Variants in EVC observed in about 807,000 individuals in gnomAD.
The protein encoded by EVC is evC complex member EVC.
EVC carries 116 observed loss-of-function variants against 118.9 expected under a neutral mutation model. The observed-to-expected ratio is 0.98, with a 90% CI of 0.84 to 1.14. The LOEUF (loss-of-function observed/expected upper bound fraction) is 1.14. Ranked by LOEUF, EVC falls within the 50% of genes most tolerant of loss-of-function variation. The probability of loss-of-function intolerance (pLI) is 0.00; values close to 1 mark genes in which losing one functional copy is unlikely to be tolerated. For synonymous variants in EVC, 619 were observed against 534.7 expected (o/e 1.16, Z -2.18); for missense variants, 1,401 against 1,246.4 (o/e 1.12, Z -1.87).
intron 11 of EVC, among the ~76,000 whole-genome samples, chr4:5,781,189 A>AGG (rs1348071238): frequency 6.6e-6 from 1 of 152,186 alleles, no homozygotes; most frequent in Non-Finnish European, 1.5e-5. Flanking sequence ...GGAACATGTG[A>AGG]GGAGAGTTCC....
chr4:5,825,614 C>T, the EVC span: 10 of 1,606,000 alleles, frequency 6.2e-6, no homozygotes, highest in Non-Finnish European at 5.9e-6. The surrounding 1 kb of genome is among the most constrained non-coding windows in gnomAD (Gnocchi z 4.4). Context: ...ACCTCGTACA[C>T]AGGACCGTCA....
chr4:5,776,734 T>C (rs749569599), intron 11 of EVC, among the ~76,000 whole-genome samples: 13 of 152,196 alleles, frequency 8.5e-5, no homozygotes, highest in Non-Finnish European at 1.9e-4. Flanking sequence ...TTTCTTCTGA[T>C]CTATTTTCCA....
intron 12 of EVC, 37 bp downstream of exon 12, chr4:5,783,801 AT>A: frequency 2.6e-6 from 4 of 1,559,064 alleles, no homozygotes; most frequent in Non-Finnish European, 3.5e-6. Flanking sequence ...TGGGGTCTGC[AT>A]TTTAGAAACA....
At chr4:5,777,723 G>A (rs1432052431) in intron 11 of EVC, among the ~76,000 whole-genome samples, 2 of 152,122 alleles carry the variant, frequency 1.3e-5, no homozygotes, top group Non-Finnish European at 2.9e-5. Context: ...AAAGAATGTG[G>A]GTTCCATATG....
the EVC span, chr4:5,824,489 T>C: frequency 1.0e-6 from 1 of 972,524 alleles, no homozygotes; most frequent in Non-Finnish European, 1.2e-6. Context: ...TCATCCTCTC[T>C]CTCTCTCTCT....
intron 5 of EVC, among the ~76,000 whole-genome samples, chr4:5,740,948 GC>G (rs1346743514): frequency 6.6e-6 from 1 of 152,168 alleles, no homozygotes; most frequent in African/African-American, 2.4e-5. Context: ...CCAAATTCTG[GC>G]AAAGATGTGG....
chr4:5,804,640 C>T, intron 16 of EVC, 90 bp from the exon 17 acceptor site: 1 of 1,063,958 alleles, frequency 9.4e-7, no homozygotes, highest in Non-Finnish European at 1.5e-6. Flanking sequence ...TGGTGTGTCT[C>T]ACTCACCCTG....
chr4:5,801,793 A>G, intron 15 of EVC, 157 bp from the exon 16 acceptor site: 1 of 749,834 alleles, frequency 1.3e-6, no homozygotes, highest in Non-Finnish European at 2.3e-6. Flanking sequence ...ACTAGTTTAA[A>G]CCAGCCATGC....
At chr4:5,720,289 C>T (rs893316897) in intron 2 of EVC, among the ~76,000 whole-genome samples, 6 of 152,290 alleles carry the variant, frequency 3.9e-5, no homozygotes, top group African/African-American at 1.4e-4. Flanking sequence ...TGAATGATCT[C>T]GTGCCCTTCT....
At chr4:5,739,965 G>A (rs1330465300) in intron 5 of EVC, among the ~76,000 whole-genome samples, 1 of 149,724 alleles carries the variant, frequency 6.7e-6, no homozygotes, top group East Asian at 2.0e-4. Context: ...ATATCTAAAT[G>A]ACCATATTAT....
chr4:5,768,895 A>G (rs891819308), intron 11 of EVC, among the ~76,000 whole-genome samples: 1 of 152,004 alleles, frequency 6.6e-6, no homozygotes, highest in Non-Finnish European at 1.5e-5. Flanking sequence ...ATCATTCACC[A>G]TATAGAAAGG....
chr4:5,719,459 C>G lies in EVC; in HGVS notation c.300+86C>G. ...GGAAGCCGGGTGTCATGTAGACAAG[C>G]CTCTGACAGATATAGTTTCCCAATG... On this transcript the variant is annotated intron_variant, in intron 2 of 20. Transcript: ENST00000264956. The surrounding 1 kb of genome is among the most constrained non-coding windows in gnomAD (Gnocchi z 4.7). 1 of 1,593,612 alleles carries G rather than the reference C, an allele frequency of 6.3e-7. No homozygotes were observed. The highest frequency in any genetic ancestry group is 8.6e-7 in the Non-Finnish European group (1 of 1,163,884).
At chr4:5,796,064 C>G (rs186384500) in intron 13 of EVC, among the ~76,000 whole-genome samples, 6 of 152,256 alleles carry the variant, frequency 3.9e-5, no homozygotes, top group Admixed American at 6.5e-5. Context: ...CAGCCACTCT[C>G]TCTTCAGCCA....
intron 11 of EVC, among the ~76,000 whole-genome samples, chr4:5,771,944 C>T (rs952134673): frequency 2.6e-5 from 4 of 151,972 alleles, no homozygotes; most frequent in Non-Finnish European, 5.9e-5. Context: ...GTCGCCCAGG[C>T]TGGAGTGCAG....
rs1731133194 is a variant in EVC at position 5,756,170 on chromosome 4, A to ACC, written c.1465-93_1465-92dup. On this transcript the variant is annotated intron_variant, in intron 10 of 20. Coordinates refer to ENST00000264956, the MANE Select transcript of EVC (RefSeq NM_153717.3). The surrounding 1 kb of genome is among the most constrained non-coding windows in gnomAD (Gnocchi z 4.2). ...ACAGGTGCCAACATCCTTCTTTCTAACCTGAGATGCAGGGGATGGTTGGAG... is the reference window on the plus strand; with the variant it reads ...ACAGGTGCCAACATCCTTCTTTCTAACCCCTGAGATGCAGGGGATGGTTGGAG... 1 of 961,148 alleles carries ACC rather than the reference A, an allele frequency of 1.0e-6. No homozygotes were observed. The highest frequency in any genetic ancestry group is 1.6e-6 in the Non-Finnish European group (1 of 617,326). The allele number at this position is 961,148 out of a possible 1,614,324, so 59.5% of individuals were successfully genotyped here.
chr4:5,791,299 A>G (rs1484522912), intron 12 of EVC, among the ~76,000 whole-genome samples: 1 of 152,218 alleles, frequency 6.6e-6, no homozygotes, highest in Non-Finnish European at 1.5e-5. Context: ...ACAAAATCCT[A>G]TAGGAGTAGA....
Position 5,743,846 on chromosome 4 carries a change from CTG to C in EVC, c.802-1357_802-1356del, listed in dbSNP as rs1728980542. On this transcript the variant is annotated intron_variant, in intron 6 of 20. Coordinates refer to ENST00000264956, the MANE Select transcript of EVC (RefSeq NM_153717.3). The surrounding 1 kb of genome is among the most constrained non-coding windows in gnomAD (Gnocchi z 4.7). ...TATTTTTGTTTTACAGCTGAAGAAA[CTG>C]AGACTCCATAAGTTCAAATGACTTT... 6.6e-6 allele frequency among the ~76,000 whole-genome samples: 1 copy of C among 152,110 alleles called. No individual in the cohort carries two copies. Among genetic ancestry groups the C allele is most frequent in the African/African-American group, 2.4e-5 (1 of 41,412 alleles).
intron 8 of EVC, among the ~76,000 whole-genome samples, chr4:5,748,988 G>C (rs190101390): frequency 6.6e-6 from 1 of 152,006 alleles, no homozygotes; most frequent in South Asian, 2.1e-4. Flanking sequence ...AACCTGGCTG[G>C]GCATTGGGGT....
At position 5,742,389 on chromosome 4, in the gene EVC, C is replaced by T. The variant is rs1288619771; in HGVS notation, c.801+575C>T. Among the ~76,000 whole-genome samples, 2 of 152,274 alleles carry T rather than the reference C, an allele frequency of 1.3e-5. No homozygotes were observed. The highest frequency in any genetic ancestry group is 3.4e-3 in the Middle Eastern group (1 of 294). ...GCTGTGAATATGTGATGGCTGCTGT[C>T]ATCCTCATTATCACAACCACCACCA... On this transcript the variant is annotated intron_variant, in intron 6 of 20. Coordinates refer to ENST00000264956, the MANE Select transcript of EVC (RefSeq NM_153717.3). The surrounding 1 kb of genome is among the most constrained non-coding windows in gnomAD (Gnocchi z 5.2).
Sources: allele counts gnomAD v4.1 joint callset (sites outside exome capture counted in the v4.1 genomes callset), GRCh38; gene constraint gnomAD v4.1.1; non-coding constraint Gnocchi (gnomAD v3.1); transcripts MANE v1.5; gene names NCBI Gene and HGNC (gene_info 2026-07-23, HGNC 2026-07-21).